PLXDC2: variants seen among roughly 807,000 people sequenced by gnomAD.
PLXDC2 encodes the protein plexin domain-containing protein 2.
PLXDC2 carries 40 observed loss-of-function variants against 68.9 expected under a neutral mutation model. The observed-to-expected ratio is 0.58, with a 90% CI of 0.45 to 0.76. The LOEUF (loss-of-function observed/expected upper bound fraction) is 0.76. Among genes scored for constraint, PLXDC2 ranks in the 30% least tolerant of loss-of-function variants. PLXDC2 has a pLI of 0.00. For missense variants in PLXDC2, 644 were observed against 661.9 expected (o/e 0.97, Z 0.30); for synonymous variants, 243 against 234.2 (o/e 1.04, Z -0.34).
chr10:20,212,846 G>C (rs1437789478), intron 10 of PLXDC2, among the ~76,000 whole-genome samples: 1 of 152,020 alleles, frequency 6.6e-6, no homozygotes, highest in East Asian at 1.9e-4. Flanking sequence ...GTTCCAAAGA[G>C]TATCTATTGA....
chr10:20,239,387 A>G (rs929997964), intron 12 of PLXDC2, among the ~76,000 whole-genome samples: 2 of 152,198 alleles, frequency 1.3e-5, no homozygotes, highest in Non-Finnish European at 2.9e-5. Context: ...TTTATAAACA[A>G]AAGAGGTTTA....
chr10:20,229,700 T>A (rs563463186), intron 12 of PLXDC2, among the ~76,000 whole-genome samples: 20 of 152,318 alleles, frequency 1.3e-4, no homozygotes, highest in African/African-American at 4.8e-4. Context: ...GACTAATTTT[T>A]GCTTTAGTTT....
chr10:19,918,406 C>G (rs1344480978), intron 1 of PLXDC2, among the ~76,000 whole-genome samples: 1 of 152,120 alleles, frequency 6.6e-6, no homozygotes, highest in Non-Finnish European at 1.5e-5. Context: ...AGTTCAAAGT[C>G]AGTCCATTCT....
intron 4 of PLXDC2, among the ~76,000 whole-genome samples, chr10:20,120,287 C>T (rs1833678524): frequency 6.6e-6 from 1 of 152,124 alleles, no homozygotes; most frequent in Non-Finnish European, 1.5e-5. Flanking sequence ...ATTCTGAGGA[C>T]AGGTCTGACT....
Position 19,830,707 on chromosome 10 carries a change from G to A in PLXDC2, c.112+13516G>A, listed in dbSNP as rs528596389. The stretch of plus-strand genomic sequence containing the variant: ...TCACCCCTGGACCTCAGGCTAACTG[G>A]TCTTTCTCTAACTATGCTCCGGAAA... On this transcript the variant is annotated intron_variant, in intron 1 of 13. Transcript: ENST00000377252. Among the ~76,000 whole-genome samples, 239 of 151,562 alleles carry A rather than the reference G, an allele frequency of 1.6e-3. 2 individuals are homozygous for A. The highest frequency in any genetic ancestry group is 5.4e-3 in the African/African-American group (224 of 41,198).
In PLXDC2 at chr10:20,262,277, C is replaced by A. The variant is rs115665591; in HGVS notation, c.1473+16772C>A. Among the ~76,000 whole-genome samples, 707 of 152,312 alleles carry A rather than the reference C, an allele frequency of 4.6e-3. 9 individuals are homozygous for A. The highest frequency in any genetic ancestry group is 0.014 in the African/African-American group (578 of 41,578). ...TGACAGCCAGAGCTATAAGGAGTCT[C>A]GTTGCTTATTTGCTCTACAGAAGCT... On this transcript the variant is annotated intron_variant, in intron 13 of 13. Transcript: ENST00000377252.
At chr10:19,913,664 T>C (rs992018493) in intron 1 of PLXDC2, among the ~76,000 whole-genome samples, 3 of 152,188 alleles carry the variant, frequency 2.0e-5, no homozygotes, top group Admixed American at 1.3e-4. Flanking sequence ...TCAATTATGA[T>C]GGATGAAAAT....
chr10:20,166,868 G>A (rs1344008688), intron 7 of PLXDC2, among the ~76,000 whole-genome samples: 7 of 152,076 alleles, frequency 4.6e-5, no homozygotes, highest in South Asian at 4.1e-4. Flanking sequence ...TAACTGTTAC[G>A]TGTTGGGGGA....
chr10:20,081,721 C>A (rs1836562026), intron 4 of PLXDC2, among the ~76,000 whole-genome samples: 1 of 152,036 alleles, frequency 6.6e-6, no homozygotes, highest in African/African-American at 2.4e-5. Context: ...CAGTATTCCT[C>A]AACTGTCCAG....
intron 3 of PLXDC2, among the ~76,000 whole-genome samples, chr10:20,049,222 G>C (rs1371509955): frequency 2.0e-5 from 3 of 152,064 alleles, no homozygotes. Flanking sequence ...AAAGTAATAA[G>C]AGCCATCTAT....
intron 1 of PLXDC2, among the ~76,000 whole-genome samples, chr10:19,965,850 A>C (rs929537550): frequency 6.6e-6 from 1 of 152,126 alleles, no homozygotes; most frequent in Non-Finnish European, 1.5e-5. Context: ...CCCTGGTTTT[A>C]GAATGAAGTT....
chr10:20,101,683 C>T (rs10764202), intron 4 of PLXDC2, among the ~76,000 whole-genome samples: 35,359 of 152,052 alleles, frequency 0.23, 4,815 homozygotes, highest in East Asian at 0.49. Flanking sequence ...CATTGACTGA[C>T]CTGCATTCTT....
intron 1 of PLXDC2, among the ~76,000 whole-genome samples, chr10:19,828,263 A>C (rs980498446): frequency 2.0e-5 from 3 of 152,236 alleles, no homozygotes; most frequent in Admixed American, 2.0e-4. Context: ...CCTCCTTAAC[A>C]ATGGCTCACT....
intron 1 of PLXDC2, among the ~76,000 whole-genome samples, chr10:19,892,802 A>T (rs1837987703): frequency 6.6e-6 from 1 of 152,178 alleles, no homozygotes; most frequent in South Asian, 2.1e-4. Context: ...CACAACAATA[A>T]GTCTCAATAA....
At chr10:20,235,567 G>GA (rs1835421736) in intron 12 of PLXDC2, among the ~76,000 whole-genome samples, 1 of 152,168 alleles carries the variant, frequency 6.6e-6, no homozygotes, top group Non-Finnish European at 1.5e-5. Flanking sequence ...CCATTTTGCA[G>GA]AAAAGAAGAC....
chr10:20,273,099 C>T (rs889216815), intron 13 of PLXDC2, among the ~76,000 whole-genome samples: 7 of 152,144 alleles, frequency 4.6e-5, no homozygotes, highest in East Asian at 3.9e-4. Context: ...GTTGTAAAGA[C>T]GGAAAAACAG....
intron 2 of PLXDC2, among the ~76,000 whole-genome samples, chr10:20,010,350 G>A (rs1356119433): frequency 6.6e-6 from 1 of 152,060 alleles, no homozygotes; most frequent in East Asian, 1.9e-4. Flanking sequence ...TATTGATGAG[G>A]GCTTTACTTT....
At chr10:20,197,332 T>A (rs1224885743) in intron 9 of PLXDC2, among the ~76,000 whole-genome samples, 1 of 152,104 alleles carries the variant, frequency 6.6e-6, no homozygotes, top group East Asian at 1.9e-4. Flanking sequence ...TTATTATTTA[T>A]CTTTGAAGAT....
At chr10:19,928,247 A>G (rs1833571544) in intron 1 of PLXDC2, among the ~76,000 whole-genome samples, 2 of 152,338 alleles carry the variant, frequency 1.3e-5, no homozygotes, top group South Asian at 2.1e-4. Flanking sequence ...TTGTGCTGCA[A>G]TAAACATACA....
Sources: allele counts gnomAD v4.1 joint callset (sites outside exome capture counted in the v4.1 genomes callset), GRCh38; gene constraint gnomAD v4.1.1; transcripts MANE v1.5; gene names NCBI Gene and HGNC (gene_info 2026-07-23, HGNC 2026-07-21).